SYNE1: variants seen among roughly 807,000 people sequenced by gnomAD.
The protein encoded by SYNE1 is spectrin repeat containing nuclear envelope protein 1.
Under a neutral mutation model 1,111.0 loss-of-function variants are expected in SYNE1, and 616 were observed. The observed-to-expected ratio is 0.55, with a 90% CI of 0.52 to 0.59. The LOEUF (loss-of-function observed/expected upper bound fraction) is 0.59. Among genes scored for constraint, SYNE1 ranks in the 20% least tolerant of loss-of-function variants. SYNE1 has a pLI of 0.00. For synonymous variants in SYNE1, 3,855 were observed against 3,825.8 expected (o/e 1.01, Z -0.28); for missense variants, 10,006 against 10,417.0 (o/e 0.96, Z 1.72).
chr6:152,263,689 T>C (rs112442062), intron 100 of SYNE1, among the ~76,000 whole-genome samples: 5 of 152,184 alleles, frequency 3.3e-5, no homozygotes, highest in African/African-American at 9.6e-5. Flanking sequence ...TGAGCCACCA[T>C]GGCTAGCCAA....
rs143864698 is a variant in SYNE1 at position 152,404,104 on chromosome 6, G to GATAT, written c.6825+105_6825+108dup. On this transcript the variant is annotated intron_variant, in intron 46 of 145. Transcript: ENST00000367255. Reference sequence around the variant, plus strand: ...ATATATACGAGATATAGATATATGAGATATATATATATACACACACACACA... The same window carrying GATAT: ...ATATATACGAGATATAGATATATGAGATATATATATATATATACACACACACACA... The GATAT allele has an allele frequency of 0.022, 11,661 of 537,184 alleles. 273 individuals carry two copies. The highest frequency in any genetic ancestry group is 0.11 in the African/African-American group (5,157 of 48,322). 33.3% of individuals were successfully genotyped at this position (537,184 alleles called of 1,614,324 possible).
chr6:152,613,799 T>A (rs200130614), intron 3 of SYNE1, among the ~76,000 whole-genome samples: 1 of 134,144 alleles, frequency 7.5e-6, no homozygotes, highest in African/African-American at 2.5e-5. Flanking sequence ...TATAGAGCAA[T>A]GGAACAGAAC....
intron 104 of SYNE1, among the ~76,000 whole-genome samples, chr6:152,254,660 C>T (rs1449247835): frequency 6.6e-6 from 1 of 152,116 alleles, no homozygotes; most frequent in Non-Finnish European, 1.5e-5. Flanking sequence ...CTATTCAGTC[C>T]TTAGTTTGAA....
intron 58 of SYNE1, among the ~76,000 whole-genome samples, chr6:152,375,706 T>C (rs531788058): frequency 6.6e-6 from 1 of 152,326 alleles, no homozygotes; most frequent in Admixed American, 6.5e-5. Context: ...ACACTGACAG[T>C]AACAAATTTA....
In SYNE1 at chr6:152,194,487, T is replaced by G. The variant is rs140021873; in HGVS notation, c.23146-5080A>C. ...ATTATTAAATGCCTTGAGGTAATCT[T>G]CTTTGGGTTAAATCTACTTGGTGTT... On this transcript the variant is annotated intron_variant, in intron 127 of 145. Coordinates refer to ENST00000367255, the MANE Select transcript of SYNE1 (RefSeq NM_182961.4). Among the ~76,000 whole-genome samples the G allele has an allele frequency of 1.2e-3, 188 of 152,350 alleles. 1 individual carries two copies. Among genetic ancestry groups the G allele is most frequent in the African/African-American group, 4.3e-3 (180 of 41,592 alleles).
rs373574631 is a variant in SYNE1 at position 152,332,077 on chromosome 6, C to T, written c.12795-187G>A. On this transcript the variant is annotated intron_variant, in intron 77 of 145. Transcript: ENST00000367255. ...GCAACCTCCGCCTCCCAGGTTCAAG[C>T]GATTCTCCTGCCTCAGCCTCCCAAG... Among the ~76,000 whole-genome samples the T allele has an allele frequency of 5.9e-5, 9 of 152,250 alleles. No individual in the cohort carries two copies. In the East Asian group the frequency reaches 7.7e-4, roughly 13 times the overall value.
intron 62 of SYNE1, among the ~76,000 whole-genome samples, chr6:152,366,422 G>A (rs2097081085): frequency 6.6e-6 from 1 of 152,104 alleles, no homozygotes; most frequent in South Asian, 2.1e-4. Context: ...AGTACTTTGG[G>A]AGGCCAAGGC....
chr6:152,263,754 A>G (rs2092365315), intron 100 of SYNE1, among the ~76,000 whole-genome samples: 2 of 151,814 alleles, frequency 1.3e-5, no homozygotes, highest in African/African-American at 4.8e-5. Context: ...CTAGCACATT[A>G]TCTGTGACAC....
chr6:152,266,444 A>G (rs2092704911), intron 100 of SYNE1, among the ~76,000 whole-genome samples: 1 of 152,210 alleles, frequency 6.6e-6, no homozygotes, highest in Admixed American at 6.5e-5. Context: ...CGTGAAGGCA[A>G]GTCTTGGCTC....
At chr6:152,485,321 A>G (rs1356497064) in intron 12 of SYNE1, among the ~76,000 whole-genome samples, 2 of 152,192 alleles carry the variant, frequency 1.3e-5, no homozygotes, top group South Asian at 2.1e-4. Context: ...GTGTACCAGT[A>G]TATGTTTGTC....
chr6:152,485,816 G>T (rs749305419), intron 12 of SYNE1, among the ~76,000 whole-genome samples: 2 of 152,134 alleles, frequency 1.3e-5, no homozygotes, highest in Middle Eastern at 3.2e-3. Context: ...GTAAATTCAC[G>T]TGAAGAACAC....
intron 65 of SYNE1, 119 bp from the exon 66 acceptor site, chr6:152,358,656 G>C: frequency 1.1e-6 from 1 of 941,718 alleles, no homozygotes; most frequent in Non-Finnish European, 1.6e-6. Context: ...TAGAATATGA[G>C]TTATTTCCTA....
At chr6:152,270,850 G>T (rs1275809004) in intron 98 of SYNE1, among the ~76,000 whole-genome samples, 1 of 152,188 alleles carries the variant, frequency 6.6e-6, no homozygotes, top group East Asian at 1.9e-4. Flanking sequence ...TCTGCATGAC[G>T]AGAGACCACC....
At chr6:152,622,086 T>C (rs1323006209) in intron 3 of SYNE1, among the ~76,000 whole-genome samples, 2 of 152,168 alleles carry the variant, frequency 1.3e-5, no homozygotes, top group African/African-American at 4.8e-5. Flanking sequence ...TTCCAAAATA[T>C]AAAGAAATGA....
intron 127 of SYNE1, among the ~76,000 whole-genome samples, chr6:152,200,884 T>C (rs2075271460): frequency 6.6e-6 from 1 of 152,208 alleles, no homozygotes; most frequent in Non-Finnish European, 1.5e-5. Context: ...TCCTTAGATT[T>C]TACAACTGAA....
At position 152,152,085 on chromosome 6, in the gene SYNE1, C is replaced by T. The variant is rs2060522067; in HGVS notation, c.24186G>A (p.Gln8062=). The T allele has an allele frequency of 6.2e-7, 1 of 1,614,078 alleles. No individual in the cohort carries two copies. The highest frequency in any genetic ancestry group is 8.5e-7 in the Non-Finnish European group (1 of 1,180,046). ...CLTQLELINK[Q]YRRLARENRT... Reference sequence around the variant, plus strand: ...GGTTCTCCCTGGCCAGGCGGCGGTACTGCTTGTTGATCAGTTCCAGCTGCG... The same window carrying T: ...GGTTCTCCCTGGCCAGGCGGCGGTATTGCTTGTTGATCAGTTCCAGCTGCG... The change falls in exon 134 of 146, where the codon CAG becomes CAA. Residue 8062 remains glutamine, a synonymous_variant. Coordinates refer to ENST00000367255, the MANE Select transcript of SYNE1 (RefSeq NM_182961.4).
At chr6:152,631,160 C>T (rs1037872872) in intron 2 of SYNE1, among the ~76,000 whole-genome samples, 2 of 152,166 alleles carry the variant, frequency 1.3e-5, no homozygotes, top group Non-Finnish European at 2.9e-5. Context: ...GTGGCTAAGC[C>T]AGTGTGGGTG....
chr6:152,485,829 G>C (rs1021860428), intron 12 of SYNE1, among the ~76,000 whole-genome samples: 7 of 151,862 alleles, frequency 4.6e-5, no homozygotes, highest in Non-Finnish European at 1.0e-4. Context: ...AAGAACACTG[G>C]GGGGAGATAG....
At chr6:152,297,597 T>C (rs949289819) in intron 93 of SYNE1, among the ~76,000 whole-genome samples, 1 of 152,236 alleles carries the variant, frequency 6.6e-6, no homozygotes, top group African/African-American at 2.4e-5. Flanking sequence ...AATGCACTTA[T>C]ATAAATTCTA....
Sources: allele counts gnomAD v4.1 joint callset (sites outside exome capture counted in the v4.1 genomes callset), GRCh38; gene constraint gnomAD v4.1.1; transcripts MANE v1.5; gene names NCBI Gene and HGNC (gene_info 2026-07-23, HGNC 2026-07-21).